PLCG2: variants seen among roughly 807,000 people sequenced by gnomAD.
PLCG2 encodes the protein 1-phosphatidylinositol 4,5-bisphosphate phosphodiesterase gamma-2.
Under a neutral mutation model 175.6 loss-of-function variants are expected in PLCG2, and 69 were observed. The observed-to-expected ratio is 0.39, with a 90% CI of 0.32 to 0.48. The LOEUF (loss-of-function observed/expected upper bound fraction) is 0.48. Ranked by LOEUF, PLCG2 falls within the 20% of genes least tolerant of loss-of-function variation. PLCG2 has a pLI of 0.91. For missense variants in PLCG2, 1,798 were observed against 1,650.9 expected (o/e 1.09, Z -1.54); for synonymous variants, 827 against 624.0 (o/e 1.33, Z -4.85).
At chr16:81,898,118 A>T (rs894391356) in intron 13 of PLCG2, 4 of 270,550 alleles carry the variant, frequency 1.5e-5, no homozygotes, top group African/African-American at 2.3e-5. Context: ...TTTGCAGGAC[A>T]TAGGTGCTTA....
intron 1 of PLCG2, among the ~76,000 whole-genome samples, chr16:81,742,415 A>T (rs79064006): frequency 2.0e-5 from 3 of 152,102 alleles, no homozygotes; most frequent in Non-Finnish European, 4.4e-5. Flanking sequence ...TATGACTCTA[A>T]GAGTGACTGC....
At chr16:81,882,973 A>G (rs902732054) in intron 8 of PLCG2, among the ~76,000 whole-genome samples, 1 of 150,548 alleles carries the variant, frequency 6.6e-6, no homozygotes, top group Non-Finnish European at 1.5e-5. Flanking sequence ...CCATGGCCAC[A>G]CTCCTGGAGG....
intron 3 of PLCG2, among the ~76,000 whole-genome samples, chr16:81,855,205 A>G (rs528495882): frequency 4.3e-4 from 65 of 151,942 alleles, no homozygotes; most frequent in African/African-American, 1.5e-3. Flanking sequence ...AAAAAAAAAA[A>G]AAAGAGAAGA....
intron 1 of PLCG2, among the ~76,000 whole-genome samples, chr16:81,754,376 C>T (rs565344220): frequency 4.1e-5 from 2 of 48,900 alleles, no homozygotes; most frequent in Admixed American, 2.0e-4. Context: ...CCCACCTCCT[C>T]CCCACCCCTC....
intron 31 of PLCG2, among the ~76,000 whole-genome samples, chr16:81,955,720 A>T (rs1041230978): frequency 5.9e-5 from 9 of 152,088 alleles, no homozygotes; most frequent in African/African-American, 2.2e-4. Context: ...AAGAAAAGAA[A>T]CTCTACCAAG....
At chr16:81,825,889 C>T (rs2143358265) in intron 2 of PLCG2, among the ~76,000 whole-genome samples, 1 of 152,246 alleles carries the variant, frequency 6.6e-6, no homozygotes, top group East Asian at 1.9e-4. Flanking sequence ...CTAAGATTGT[C>T]ACATAGGGTG....
intron 2 of PLCG2, among the ~76,000 whole-genome samples, chr16:81,769,185 T>C (rs1910218645): frequency 6.6e-6 from 1 of 152,210 alleles, no homozygotes; most frequent in South Asian, 2.1e-4. Context: ...CCATGAGTGA[T>C]GAGCTGGTCT....
intron 31 of PLCG2, among the ~76,000 whole-genome samples, chr16:81,949,828 A>G (rs1256500534): frequency 6.6e-6 from 1 of 152,224 alleles, no homozygotes; most frequent in Admixed American, 6.5e-5. Context: ...TCAACAAAGC[A>G]AAGGCATGGA....
intron 15 of PLCG2, among the ~76,000 whole-genome samples, chr16:81,906,820 A>G (rs1309617329): frequency 6.6e-6 from 1 of 152,202 alleles, no homozygotes; most frequent in East Asian, 1.9e-4. Context: ...AAGGCAGATT[A>G]CGAGGTCAGG....
rs1309325049 is a variant in PLCG2 at position 81,779,329 on chromosome 16, G to C, written c.-143G>C. On this transcript the variant is annotated 5_prime_UTR_variant, in exon 1 of 33. Transcript: ENST00000564138. ...GCCGGCGGCGGAGGGCGTGAGCGGC[G>C]CTGAGTGACCCGAGTCGGGACGCGG... 6.6e-6 allele frequency: 1 copy of C among 150,722 alleles called. No individual in the cohort carries two copies. The highest frequency in any genetic ancestry group is 1.5e-5 in the Non-Finnish European group (1 of 67,534). The allele number at this position is 150,722 out of a possible 1,614,324, so 9.3% of individuals were successfully genotyped here. A position where few individuals can be genotyped will look rare whatever the true frequency, so the allele number is the denominator to read the frequency against.
chr16:81,855,546 A>G lies in PLCG2; in HGVS notation c.337+959A>G, dbSNP rs144101582. Among the ~76,000 whole-genome samples, 135 of 152,340 alleles carry G rather than the reference A, an allele frequency of 8.9e-4. 2 individuals carry two copies. Among genetic ancestry groups the G allele is most frequent in the South Asian group, 7.9e-3 (38 of 4,824 alleles). On this transcript the variant is annotated intron_variant, in intron 3 of 32. Coordinates refer to ENST00000564138, the MANE Select transcript of PLCG2 (RefSeq NM_002661.5). ...CTTTTACTACATGTCTTTTGAGCCT[A>G]TACTCTGTGTTAGGTTGTGTACATG...
intron 15 of PLCG2, among the ~76,000 whole-genome samples, 177 bp downstream of exon 15, chr16:81,905,684 G>T (rs557319787): frequency 6.6e-6 from 1 of 152,128 alleles, no homozygotes; most frequent in South Asian, 2.1e-4. Flanking sequence ...TGTGGGACAG[G>T]GTCTCACTCT....
intron 1 of PLCG2, among the ~76,000 whole-genome samples, chr16:81,749,586 T>A (rs1909766856): frequency 1.3e-5 from 2 of 152,210 alleles, no homozygotes; most frequent in Admixed American, 6.5e-5. Flanking sequence ...ACTCCTGACC[T>A]CAAGTGATCC....
At chr16:81,939,570 T>G (rs1350195598) in intron 29 of PLCG2, among the ~76,000 whole-genome samples, 1 of 151,818 alleles carries the variant, frequency 6.6e-6, no homozygotes, top group Non-Finnish European at 1.5e-5. Context: ...CTCCTCCCCT[T>G]TTGTCTTTTC....
chr16:81,936,045 G>C lies in PLCG2; in HGVS notation c.2843-124G>C, dbSNP rs112292373. 2,577 of 1,473,978 alleles carry C rather than the reference G, an allele frequency of 1.7e-3. 35 individuals carry two copies. The African/African-American group carries it at 0.033, about 19-fold the overall frequency. The allele number at this position is 1,473,978 out of a possible 1,614,324, so 91.3% of individuals were successfully genotyped here. A position where few individuals can be genotyped will look rare whatever the true frequency, so the allele number is the denominator to read the frequency against. On this transcript the variant is annotated intron_variant, in intron 26 of 32. Transcript: ENST00000564138. Reference sequence around the variant, plus strand: ...TGGGACAATATCATCAGAACCCCTTGAATGTCAAAGAGGGAGATTCCTGGT... The same window carrying C: ...TGGGACAATATCATCAGAACCCCTTCAATGTCAAAGAGGGAGATTCCTGGT...
intron 2 of PLCG2, among the ~76,000 whole-genome samples, chr16:81,849,143 G>A (rs953541688): frequency 1.3e-5 from 2 of 152,152 alleles, no homozygotes; most frequent in Non-Finnish European, 2.9e-5. Flanking sequence ...AGTCCTTACA[G>A]CAATGGGACG....
chr16:81,812,043 CTTTT>C (rs539108021), intron 2 of PLCG2, among the ~76,000 whole-genome samples: 1 of 90,330 alleles, frequency 1.1e-5, no homozygotes, highest in Non-Finnish European at 2.1e-5. Context: ...TGTTTCCTGA[CTTTT>C]TTTTTTTTTT....
At chr16:81,777,186 C>A (rs918106059), upstream of PLCG2, among the ~76,000 whole-genome samples, 50 of 152,124 alleles carry the variant, frequency 3.3e-4, no homozygotes, top group African/African-American at 1.2e-3. Flanking sequence ...GAGAAAAATC[C>A]AGCCAGAATT....
At chr16:81,799,225 C>T (rs79075508) in intron 2 of PLCG2, among the ~76,000 whole-genome samples, 25,380 of 152,100 alleles carry the variant, frequency 0.17, 2,573 homozygotes, top group Non-Finnish European at 0.24. Flanking sequence ...AACCCCTTAG[C>T]CCCCGCCACC....
Sources: gnomAD v4.1 joint callset for allele counts (sites outside exome capture counted in the v4.1 genomes callset) on GRCh38, gnomAD v4.1.1 for gene constraint, MANE v1.5 for transcripts, NCBI Gene and HGNC (gene_info 2026-07-23, HGNC 2026-07-21) for gene names.